Variants in RBM38 observed in about 807,000 individuals in gnomAD.
The protein encoded by RBM38 is RNA-binding protein 38.
RBM38 carries 11 observed loss-of-function variants against 23.5 expected under a neutral mutation model. That is an observed-to-expected ratio of 0.47 (90% CI 0.29 to 0.77). The LOEUF (loss-of-function observed/expected upper bound fraction) is 0.77. Among genes scored for constraint, RBM38 ranks in the 30% least tolerant of loss-of-function variants. The pLI, the probability that RBM38 is intolerant of heterozygous loss-of-function variation, is 0.08. For synonymous variants in RBM38, 165 were observed against 166.1 expected, an observed-to-expected ratio of 0.99 and a Z score of 0.05; for missense variants, 330 against 351.9, an observed-to-expected ratio of 0.94 and a Z score of 0.50.
chr20:57,400,510 T>C (rs934722774), intron 3 of RBM38, among the ~76,000 whole-genome samples: 8 of 152,124 alleles, frequency 5.3e-5, no homozygotes, highest in African/African-American at 1.9e-4. Flanking sequence ...GGGTTTGGTG[T>C]TGCCCAGGCT....
At chr20:57,392,378 T>G in intron 1 of RBM38, 1 of 1,488,356 alleles carries the variant, frequency 6.7e-7, no homozygotes. Context: ...CGGGGTTCAT[T>G]TTTGCCCTAT....
intron 3 of RBM38, among the ~76,000 whole-genome samples, chr20:57,397,177 C>T (rs1160353697): frequency 1.3e-5 from 2 of 152,236 alleles, no homozygotes; most frequent in Non-Finnish European, 2.9e-5. Flanking sequence ...GCCAACTTGA[C>T]TGTGTGTGGA....
rs2067405232 is a variant in RBM38 at position 57,407,948 on chromosome 20, G to A, written c.*102G>A. 5.0e-6 allele frequency: 7 copies of A among 1,413,066 alleles called. No individual in the cohort carries two copies. Among genetic ancestry groups the A allele is most frequent in the African/African-American group, 1.4e-5 (1 of 70,358 alleles). The allele number at this position is 1,413,066 out of a possible 1,614,324, so 87.5% of individuals were successfully genotyped here. A position where few individuals can be genotyped will look rare whatever the true frequency, so the allele number is the denominator to read the frequency against. On this transcript the variant is annotated 3_prime_UTR_variant, in exon 4 of 4. Transcript: ENST00000356208. This position sits in a 1 kb window ranked among gnomAD's most constrained non-coding sequence, Gnocchi z 4.0. ...GACAGCCCGGCTGAGCTTCAGTGAGGTGCCACCAGCACCCGTGCCTCCGAA... is the reference window on the plus strand; with the variant it reads ...GACAGCCCGGCTGAGCTTCAGTGAGATGCCACCAGCACCCGTGCCTCCGAA...
At chr20:57,399,850 C>T in intron 3 of RBM38, 1 of 456,096 alleles carries the variant, frequency 2.2e-6, no homozygotes, top group South Asian at 1.5e-5. Flanking sequence ...CGGTCCGTCT[C>T]TGCCGAGGTG....
At chr20:57,395,659 C>T (rs1487927161) in intron 3 of RBM38, among the ~76,000 whole-genome samples, 1 of 152,166 alleles carries the variant, frequency 6.6e-6, no homozygotes, top group Non-Finnish European at 1.5e-5. Context: ...CTGGGCCTTA[C>T]TGAGGTGGGT....
chr20:57,392,656 G>A lies in RBM38; in HGVS notation c.240G>A (p.Val80=), dbSNP rs1212305158. 1 of 1,611,464 alleles carries A rather than the reference G, an allele frequency of 6.2e-7. No homozygotes were observed. The highest frequency in any genetic ancestry group is 2.2e-5 in the East Asian group (1 of 44,886). ...CTGATGTGTCTCTGCTCCACCAGGT[G>A]ACCATGGCCGACCGGGCGGCAGCTG... ...QTGKSRGYGF[V]TMADRAAAER... Residue 80 remains valine, a splice_region_variant and synonymous_variant, in exon 2 of 4, where the codon GTG becomes GTA. Transcript: ENST00000356208.
At chr20:57,392,434 C>T (rs2067229557) in intron 1 of RBM38, 1 of 1,530,454 alleles carries the variant, frequency 6.5e-7, no homozygotes, top group Non-Finnish European at 8.7e-7. Context: ...ATTTCCCAGG[C>T]CTTGAACTTT....
intron 2 of RBM38, 63 bp downstream of exon 2, chr20:57,392,840 C>T (rs2067234794): frequency 1.9e-6 from 3 of 1,579,626 alleles, no homozygotes; most frequent in African/African-American, 1.4e-5. Context: ...CGGTATCTGT[C>T]GGGTGGAAAG....
chr20:57,400,522 C>T (rs987729203), intron 3 of RBM38, among the ~76,000 whole-genome samples: 3 of 152,270 alleles, frequency 2.0e-5, no homozygotes, highest in East Asian at 1.9e-4. Context: ...GCCCAGGCTC[C>T]GGCACTAGAG....
In RBM38 at chr20:57,408,762, G is replaced by C. The variant is rs1325979044; in HGVS notation, c.*916G>C. 6.6e-6 allele frequency: 1 copy of C among 152,302 alleles called. No homozygotes were observed. Among genetic ancestry groups the C allele is most frequent in the Non-Finnish European group, 1.5e-5 (1 of 68,068 alleles). The allele number at this position is 152,302 out of a possible 1,614,324, so 9.4% of individuals were successfully genotyped here. A position where few individuals can be genotyped will look rare whatever the true frequency, so the allele number is the denominator to read the frequency against. On this transcript the variant is annotated 3_prime_UTR_variant, in exon 4 of 4. Transcript: ENST00000356208. ...CCACTGTCTGCTGCCGCCTGCCGGG[G>C]TGGCAGAGTGAGTTGTCTCAGGACC... is the stretch of plus-strand genomic sequence containing the variant.
At chr20:57,392,528 G>C in intron 1 of RBM38, 126 bp from the exon 2 acceptor site, 2 of 1,520,696 alleles carry the variant, frequency 1.3e-6, no homozygotes, top group South Asian at 2.5e-5. Flanking sequence ...AAGGACCCTG[G>C]GTCACAGGCA....
intron 3 of RBM38, among the ~76,000 whole-genome samples, chr20:57,398,202 A>G (rs919116055): frequency 8.5e-5 from 13 of 152,052 alleles, no homozygotes; most frequent in Non-Finnish European, 1.8e-4. Flanking sequence ...TTATTATTTT[A>G]TAATACAAAG....
chr20:57,404,632 CCA>C (rs1225672383), intron 3 of RBM38, among the ~76,000 whole-genome samples: 1 of 152,200 alleles, frequency 6.6e-6, no homozygotes, highest in Non-Finnish European at 1.5e-5. Flanking sequence ...GGGGTCTGTG[CCA>C]CCCACCGGGC....
chr20:57,401,665 C>T (rs1000538228), intron 3 of RBM38, among the ~76,000 whole-genome samples: 1 of 152,160 alleles, frequency 6.6e-6, no homozygotes, highest in Non-Finnish European at 1.5e-5. Flanking sequence ...GAAACAGAGC[C>T]GCCTGGGTGG....
chr20:57,397,304 G>A (rs2067283978), intron 3 of RBM38, among the ~76,000 whole-genome samples: 1 of 152,230 alleles, frequency 6.6e-6, no homozygotes, highest in African/African-American at 2.4e-5. Context: ...TGAGAGACTT[G>A]CTGAGTTCAC....
Position 57,391,791 on chromosome 20 carries a change from G to C in RBM38, c.210G>C (p.Gln70His). Residue 70 changes from glutamine (Q) to histidine (H), a missense_variant, in exon 1 of 4, where the codon CAG becomes CAC. Coordinates refer to ENST00000356208, the MANE Select transcript of RBM38 (RefSeq NM_017495.6). Reference sequence around the variant, plus strand: ...AGGCCGTGGTCATCACCGACCGCCAGACGGGCAAGTCCCGCGGCTACGGCT... The same window carrying C: ...AGGCCGTGGTCATCACCGACCGCCACACGGGCAAGTCCCGCGGCTACGGCT... The part of the protein sequence containing the change: ...IEEAVVITDR[Q>H]TGKSRGYGFV... 1 of 1,567,512 alleles carries C rather than the reference G, an allele frequency of 6.4e-7. No individual in the cohort carries two copies. The highest frequency in any genetic ancestry group is 8.6e-7 in the Non-Finnish European group (1 of 1,156,814).
At chr20:57,402,708 G>A (rs1600755389) in intron 3 of RBM38, among the ~76,000 whole-genome samples, 1 of 152,260 alleles carries the variant, frequency 6.6e-6, no homozygotes, top group African/African-American at 2.4e-5. Flanking sequence ...GTGAAGCCTT[G>A]GGCCTGCGGC....
intron 3 of RBM38, among the ~76,000 whole-genome samples, chr20:57,394,057 T>C (rs2067248715): frequency 6.6e-6 from 1 of 152,096 alleles, no homozygotes; most frequent in African/African-American, 2.4e-5. Context: ...CCATGATGGA[T>C]GGAAGCTGTC....
In RBM38 at chr20:57,392,670, G is replaced by A. The variant is rs747349950; in HGVS notation, c.254G>A (p.Arg85Gln). ...RGYGFVTMAD[R>Q]AAAERACKDP... ...CTCCACCAGGTGACCATGGCCGACC[G>A]GGCGGCAGCTGAGAGGGCTTGCAAA... The change falls in exon 2 of 4, where the codon CGG becomes CAG. Residue 85 changes from arginine (R) to glutamine (Q), a missense_variant. By Grantham distance (43) the Arg-to-Gln change is conservative. Transcript: ENST00000356208. 11 of 1,612,288 alleles carry A rather than the reference G, an allele frequency of 6.8e-6. No individual in the cohort carries two copies. Among genetic ancestry groups the A allele is most frequent in the Admixed American group, 3.3e-5 (2 of 59,908 alleles).
Sources: gnomAD v4.1 joint callset for allele counts (sites outside exome capture counted in the v4.1 genomes callset) on GRCh38, gnomAD v4.1.1 for gene constraint, Gnocchi (gnomAD v3.1) non-coding constraint, MANE v1.5 for transcripts, NCBI Gene and HGNC (gene_info 2026-07-23, HGNC 2026-07-21) for gene names.